The following PITRM1 variants were observed in gnomAD, a reference collection of about 807,000 sequenced individuals.
PITRM1 encodes the protein presequence protease, mitochondrial.
In PITRM1, 100 loss-of-function variants were observed where a neutral mutation model predicts 129.9. That is an observed-to-expected ratio of 0.77 (90% CI 0.65 to 0.91). The LOEUF (loss-of-function observed/expected upper bound fraction) is 0.91, where lower values mean the gene tolerates loss of function less well. PITRM1 is among the 40% of genes least tolerant of loss of function. The pLI is 0.00. For synonymous variants in PITRM1, 591 were observed against 508.8 expected (o/e 1.16, Z -2.17); for missense variants, 1,471 against 1,318.3 (o/e 1.12, Z -1.79).
At chr10:3,142,163 C>T (rs996596621) in intron 23 of PITRM1, among the ~76,000 whole-genome samples, 2 of 152,194 alleles carry the variant, frequency 1.3e-5, no homozygotes, top group Non-Finnish European at 2.9e-5. Context: ...ACTCTTCTGC[C>T]GGCATAGCAG....
chr10:3,159,793 A>G (rs1842288512), intron 9 of PITRM1, 55 bp downstream of exon 9: 1 of 1,040,834 alleles, frequency 9.6e-7, no homozygotes, highest in South Asian at 1.4e-5. Flanking sequence ...ACCTTCTAAT[A>G]GGAACATTTT....
rs1207441443 is a variant in PITRM1 at position 3,165,301 on chromosome 10, C to T, written c.567G>A (p.Pro189=). 4.4e-6 allele frequency: 7 copies of T among 1,589,546 alleles called. No individual in the cohort carries two copies. Among genetic ancestry groups the T allele is most frequent in the East Asian group, 2.3e-5 (1 of 43,846 alleles). The part of the protein sequence containing the change: ...QEGWRLEHEN[P]SDPQTPLVFK... ...AGACCAAGGGCGTCTGGGGGTCGCT[C>T]GGATTCTCATGTTCCAGCCGCCATC... Residue 189 remains proline, a synonymous_variant, in exon 6 of 27, where the codon CCG becomes CCA. Transcript: ENST00000224949.
chr10:3,147,574 G>C lies in PITRM1; in HGVS notation c.2233C>G (p.Gln745Glu), dbSNP rs368309088. Residue 745 changes from glutamine (Q) to glutamate (E), a missense_variant and splice_region_variant, in exon 19 of 27, where the codon CAG becomes GAG. By Grantham distance (29) the Gln-to-Glu change is conservative (BLOSUM62 2). Coordinates refer to ENST00000224949, the MANE Select transcript of PITRM1 (RefSeq NM_014889.4). ...GAGGTTCCTTCCAAGCTTCCCACCT[G>C]ATCCATCCCGCTGAAGGTCTCCTGC... ...DLQETFSGMD[Q>E]VRLMKRIAEM... The C allele has an allele frequency of 6.2e-5, 100 of 1,613,784 alleles. No homozygotes were observed. The highest frequency in any genetic ancestry group is 4.2e-4 in the Admixed American group (25 of 60,010).
rs72635998 is a variant in PITRM1, at chr10:3,156,696, A to T, written c.1482+234T>A. ...TGCAGATGTTTTGTTCATACACACA[A>T]ACATACATATATTCACACACTAAAA... On this transcript the variant is annotated intron_variant, in intron 13 of 26. Coordinates refer to ENST00000224949, the MANE Select transcript of PITRM1 (RefSeq NM_014889.4). Among the ~76,000 whole-genome samples the T allele has an allele frequency of 0.033, 3,708 of 111,002 alleles. 147 individuals are homozygous for T. Among genetic ancestry groups the T allele is most frequent in the East Asian group, 0.17 (795 of 4,764 alleles). 72.8% of individuals were successfully genotyped at this position (111,002 alleles called of 152,430 possible). A position where few individuals can be genotyped will look rare whatever the true frequency, so the allele number is the denominator to read the frequency against.
Position 3,155,681 on chromosome 10 carries a change from G to C in PITRM1, c.1531C>G (p.His511Asp), listed in dbSNP as rs771262465. 4 of 1,613,792 alleles carry C rather than the reference G, an allele frequency of 2.5e-6. No homozygotes were observed. In the African/African-American group the frequency reaches 4.0e-5, roughly 16 times the overall value. ...GCTTCCACCTGTGCCTGCTTCTCGT[G>C]ATACTTGTCATCTGGCCTCATCGAT... ...TLSMRPDDKY[H>D]EKQAQVEATK... Residue 511 changes from histidine (H) to aspartate (D), a missense_variant, in exon 14 of 27, where the codon CAC becomes GAC. Coordinates refer to ENST00000224949, the MANE Select transcript of PITRM1 (RefSeq NM_014889.4).
intron 24 of PITRM1, among the ~76,000 whole-genome samples, chr10:3,139,797 A>G (rs1442041882): frequency 6.6e-6 from 1 of 152,228 alleles, no homozygotes; most frequent in African/African-American, 2.4e-5. Flanking sequence ...TGTAGCTAGG[A>G]CCACAGGCAC....
rs904550608 is a variant in PITRM1, at chr10:3,140,566, A to C, written c.2771+121T>G. ...GGCTAAGTGCCCAAGGAGTGAAAAG[A>C]AGCACACAGAACAACTTTTGTCTAA... On this transcript the variant is annotated intron_variant, in intron 24 of 26. Transcript: ENST00000224949. 1.2e-5 allele frequency: 11 copies of C among 892,706 alleles called. No homozygotes were observed. In the African/African-American group the frequency reaches 1.3e-4, roughly 11 times the overall value. 55.3% of individuals were successfully genotyped at this position (892,706 alleles called of 1,614,324 possible).
chr10:3,160,803 C>G (rs1208501722), intron 7 of PITRM1, among the ~76,000 whole-genome samples: 8 of 151,568 alleles, frequency 5.3e-5, no homozygotes, highest in Admixed American at 2.6e-4. Flanking sequence ...CCCGTCCCCC[C>G]AGGCTGGAGT....
chr10:3,147,032 T>C (rs574583100), intron 20 of PITRM1, 118 bp downstream of exon 20: 69 of 535,060 alleles, frequency 1.3e-4, no homozygotes, highest in African/African-American at 1.3e-3. Flanking sequence ...ACATTTACAA[T>C]AAATTCTATA....
intron 6 of PITRM1, 26 bp downstream of exon 6, chr10:3,165,212 C>T: frequency 6.8e-7 from 1 of 1,477,554 alleles, no homozygotes; most frequent in East Asian, 2.4e-5. Context: ...AAGCTGAACA[C>T]AACATAAAAA....
At chr10:3,169,117 C>T (rs1466311268) in intron 2 of PITRM1, among the ~76,000 whole-genome samples, 1 of 152,146 alleles carries the variant, frequency 6.6e-6, no homozygotes, top group Non-Finnish European at 1.5e-5. Context: ...AAATACGTTT[C>T]TATAAAATTT....
intron 1 of PITRM1, among the ~76,000 whole-genome samples, chr10:3,172,495 C>T (rs1347472239): frequency 6.6e-6 from 1 of 152,180 alleles, no homozygotes; most frequent in Non-Finnish European, 1.5e-5. Flanking sequence ...CGGCCCCCAG[C>T]CCGGGGCATC....
In PITRM1 at chr10:3,157,513, A is replaced by T. The variant is rs1424822902; in HGVS notation, c.1269T>A (p.Asp423Glu). Reference sequence around the variant, plus strand: ...TTTTATGAAGTAAAGCCTCAATTCGATCATCTTCAAATCCTTTCCTAAAGA... The same window carrying T: ...TTTTATGAAGTAAAGCCTCAATTCGTTCATCTTCAAATCCTTTCCTAAAGA... ...DEVVEKGFED[D>E]RIEALLHKIE... The change falls in exon 12 of 27, where the codon GAT becomes GAA. Residue 423 changes from aspartate to glutamate, a missense_variant. Transcript: ENST00000224949. The T allele has an allele frequency of 2.5e-6, 4 of 1,603,424 alleles. No homozygotes were observed. In the South Asian group the frequency reaches 3.3e-5, roughly 13 times the overall value.
rs145771426 is a variant in PITRM1, at chr10:3,162,249, C to A, written c.791+1476G>T. Among the ~76,000 whole-genome samples, 219 of 152,026 alleles carry A rather than the reference C, an allele frequency of 1.4e-3. 2 individuals carry two copies. The highest frequency in any genetic ancestry group is 0.011 in the South Asian group (53 of 4,810). On this transcript the variant is annotated intron_variant, in intron 7 of 26. Transcript: ENST00000224949. Reference sequence around the variant, plus strand: ...CCCCTCCTCCTCAAACTGGACTTCCCAGGGAGAGCAGCCGGCCCTGCCTTT... The same window carrying A: ...CCCCTCCTCCTCAAACTGGACTTCCAAGGGAGAGCAGCCGGCCCTGCCTTT...
chr10:3,143,099 G>C, intron 23 of PITRM1: 1 of 391,700 alleles, frequency 2.6e-6, no homozygotes, highest in Non-Finnish European at 4.7e-6. Flanking sequence ...GTGAGTACAT[G>C]GGGCATGTTG....
Position 3,163,896 on chromosome 10 carries a change from AAAAT to A in PITRM1, c.631-15_631-12del, listed in dbSNP as rs914623558. The A allele has an allele frequency of 4.5e-6, 7 of 1,572,694 alleles. No individual in the cohort carries two copies. Among genetic ancestry groups the A allele is most frequent in the Admixed American group, 3.6e-5 (2 of 55,236 alleles). ...CCTCTCATTGTCTGTCTTGAAACGT[AAAAT>A]AAATAAATCATAAGTATACATGTAA... On this transcript the variant is annotated splice_polypyrimidine_tract_variant and intron_variant, in intron 6 of 26. Transcript: ENST00000224949.
chr10:3,138,377 G>T (rs1449907119), intron 25 of PITRM1, 40 bp from the exon 26 acceptor site: 2 of 1,405,758 alleles, frequency 1.4e-6, no homozygotes, highest in African/African-American at 1.4e-5. Flanking sequence ...CCGCTGCCCG[G>T]GAGCTCGCGT....
At chr10:3,167,284 A>AGAGC (rs56035202) in intron 2 of PITRM1, among the ~76,000 whole-genome samples, 19,830 of 148,958 alleles carry the variant, frequency 0.13, 1,319 homozygotes, top group Non-Finnish European at 0.15. Context: ...AAAGAGAGAG[A>AGAGC]GAGCGAGCGA....
In PITRM1 at chr10:3,147,533, CTAA is replaced by C. The variant is rs146976640; in HGVS notation, c.2235+36_2235+38del. ...AAATTAGTAACTCTGGAATATGTGG[CTAA>C]ACCGGAGTAATAGAGGTTCCTTCCA... is the stretch of plus-strand genomic sequence containing the variant. On this transcript the variant is annotated intron_variant, in intron 19 of 26. Coordinates refer to ENST00000224949, the MANE Select transcript of PITRM1 (RefSeq NM_014889.4). 1,188 of 1,599,662 alleles carry C rather than the reference CTAA, an allele frequency of 7.4e-4. 8 individuals carry two copies. In the African/African-American group the frequency reaches 0.015, roughly 20 times the overall value.
Sources: allele counts gnomAD v4.1 joint callset (sites outside exome capture counted in the v4.1 genomes callset), GRCh38; gene constraint gnomAD v4.1.1; transcripts MANE v1.5; gene names NCBI Gene and HGNC (gene_info 2026-07-23, HGNC 2026-07-21).